Variants in MYT1L observed in about 807,000 individuals in gnomAD.
The protein encoded by MYT1L is myelin transcription factor 1-like protein.
In MYT1L, 12 loss-of-function variants were observed where a neutral mutation model predicts 126.7. That is an observed-to-expected ratio of 0.09 (90% CI 0.06 to 0.15). The LOEUF is 0.15. Ranked by LOEUF, MYT1L falls within the 10% of genes least tolerant of loss-of-function variation. The probability of loss-of-function intolerance (pLI) is 1.00; values close to 1 mark genes in which losing one functional copy is unlikely to be tolerated. For missense variants in MYT1L, 979 were observed against 1,585.2 expected (o/e 0.62, Z 6.49); for synonymous variants, 541 against 604.2 (o/e 0.90, Z 1.53).
chr2:1,969,511 C>T (rs934307388), intron 8 of MYT1L, among the ~76,000 whole-genome samples: 2 of 152,218 alleles, frequency 1.3e-5, no homozygotes, highest in African/African-American at 4.8e-5. Flanking sequence ...CTTAGCTTCT[C>T]ACTTAGCTGG....
At chr2:2,051,074 G>C (rs1183270029) in intron 4 of MYT1L, among the ~76,000 whole-genome samples, 1 of 152,134 alleles carries the variant, frequency 6.6e-6, no homozygotes, top group Non-Finnish European at 1.5e-5. Flanking sequence ...CCATCTGATA[G>C]GGTAAGAAAT....
chr2:2,172,725 A>T (rs1165744302), intron 3 of MYT1L, 147 bp downstream of exon 3: 1 of 150,186 alleles, frequency 6.7e-6, no homozygotes, highest in African/African-American at 2.5e-5. Context: ...CACTGTCACC[A>T]GGAGCCCCTT....
At chr2:2,142,711 G>A (rs533315943) in intron 3 of MYT1L, among the ~76,000 whole-genome samples, 68 of 152,062 alleles carry the variant, frequency 4.5e-4, no homozygotes, top group African/African-American at 1.4e-3. Flanking sequence ...TTTTGAGAAG[G>A]AGTCTTGCTC....
chr2:1,867,436 C>A (rs566871892), intron 18 of MYT1L, among the ~76,000 whole-genome samples: 10 of 152,296 alleles, frequency 6.6e-5, no homozygotes, highest in South Asian at 4.1e-4. Flanking sequence ...TGGGTTCAGA[C>A]GTCTGGCAGG....
rs532788105 is a variant in MYT1L, at chr2:1,934,235, A to C, written c.505+8747T>G. Among the ~76,000 whole-genome samples the C allele has an allele frequency of 5.0e-3, 745 of 149,712 alleles. 3 individuals carry two copies. Among genetic ancestry groups the C allele is most frequent in the Non-Finnish European group, 8.7e-3 (587 of 67,554 alleles). On this transcript the variant is annotated intron_variant, in intron 9 of 24. Coordinates refer to ENST00000647738, the MANE Select transcript of MYT1L (RefSeq NM_001303052.2). ...GTGATCCTCCCGCCTTGGCCTCCAA[A>C]GTGCTGGGATTACAGGCGTGGGCCA...
chr2:1,848,396 G>A lies in MYT1L; in HGVS notation c.2774+3245C>T, dbSNP rs1288482425. 2.6e-5 allele frequency among the ~76,000 whole-genome samples: 4 copies of A among 151,782 alleles called. No homozygotes were observed. Among genetic ancestry groups the A allele is most frequent in the Admixed American group, 1.3e-4 (2 of 15,254 alleles). ...GGAGAATTCCAGACACCACAGGTGC[G>A]CGAGGCGGATCTGTGCTCTGAACAG... is the stretch of plus-strand genomic sequence containing the variant. On this transcript the variant is annotated intron_variant, in intron 19 of 24. Transcript: ENST00000647738. This position sits in a 1 kb window ranked among gnomAD's most constrained non-coding sequence, Gnocchi z 4.8.
At chr2:2,329,380 C>T (rs769640435) in intron 1 of MYT1L, among the ~76,000 whole-genome samples, 46 of 151,802 alleles carry the variant, frequency 3.0e-4, no homozygotes, top group Admixed American at 2.2e-3. Context: ...TTTTGATTCA[C>T]GAATCTGAAG....
chr2:2,204,930 C>A (rs1360786622), intron 2 of MYT1L, among the ~76,000 whole-genome samples: 2 of 151,520 alleles, frequency 1.3e-5, no homozygotes, highest in East Asian at 3.9e-4. Context: ...TACTATGCAG[C>A]CATAAAAAAT....
At chr2:2,147,988 G>A (rs558367974) in intron 3 of MYT1L, among the ~76,000 whole-genome samples, 1 of 152,334 alleles carries the variant, frequency 6.6e-6, no homozygotes, top group South Asian at 2.1e-4. Context: ...TGTAGTTCTA[G>A]GAGCCAGATA....
rs1243291129 is a variant in MYT1L at position 1,851,717 on chromosome 2, T to C, written c.2712-14A>G. On this transcript the variant is annotated splice_polypyrimidine_tract_variant and intron_variant, in intron 18 of 24. Coordinates refer to ENST00000647738, the MANE Select transcript of MYT1L (RefSeq NM_001303052.2). The stretch of plus-strand genomic sequence containing the variant: ...GGCGTGGGGCACCTACAATAAAAAA[T>C]GCAAATTGTGTTAAAATGGAAAGAA... 3 of 1,612,024 alleles carry C rather than the reference T, an allele frequency of 1.9e-6. No individual in the cohort carries two copies. The highest frequency in any genetic ancestry group is 2.2e-5 in the East Asian group (1 of 44,872).
chr2:2,199,903 A>C (rs1446358587), intron 2 of MYT1L, among the ~76,000 whole-genome samples: 1 of 152,174 alleles, frequency 6.6e-6, no homozygotes, highest in African/African-American at 2.4e-5. Flanking sequence ...TTCTGAAAAT[A>C]AAATGCAGCT....
chr2:1,999,956 C>T (rs2062206328), intron 4 of MYT1L, among the ~76,000 whole-genome samples: 1 of 152,212 alleles, frequency 6.6e-6, no homozygotes, highest in Non-Finnish European at 1.5e-5. Flanking sequence ...AAAGCATGCT[C>T]ATTGGTGGGA....
intron 4 of MYT1L, among the ~76,000 whole-genome samples, chr2:2,001,955 G>A (rs1393152384): frequency 1.3e-5 from 2 of 152,136 alleles, no homozygotes; most frequent in South Asian, 4.2e-4. Context: ...TGGCTGTCAG[G>A]TTTTAACCCT....
At chr2:2,259,689 G>C (rs901454543) in intron 2 of MYT1L, among the ~76,000 whole-genome samples, 13 of 152,016 alleles carry the variant, frequency 8.6e-5, no homozygotes, top group Non-Finnish European at 1.8e-4. Context: ...GGCTAGTATC[G>C]ATCCATTCCA....
At chr2:2,299,182 T>C (rs1326952621) in intron 1 of MYT1L, among the ~76,000 whole-genome samples, 2 of 152,164 alleles carry the variant, frequency 1.3e-5, no homozygotes, top group Non-Finnish European at 2.9e-5. Flanking sequence ...GGGGCATGAC[T>C]TGTTCATGAA....
chr2:2,154,979 T>C lies in MYT1L; in HGVS notation c.-304+17893A>G, dbSNP rs577011700. ...TTATCTCTACTAAAAATACAAAAAT[T>C]AGCCAGGCATGGTGGTGCATGCCTG... On this transcript the variant is annotated intron_variant, in intron 3 of 24. Transcript: ENST00000647738. 2.8e-4 allele frequency among the ~76,000 whole-genome samples: 43 copies of C among 152,020 alleles called. No individual in the cohort carries two copies. In the South Asian group the frequency reaches 2.9e-3, roughly 10 times the overall value.
At chr2:2,181,314 GAAGT>G (rs1346915566) in intron 2 of MYT1L, among the ~76,000 whole-genome samples, 1 of 152,106 alleles carries the variant, frequency 6.6e-6, no homozygotes, top group Non-Finnish European at 1.5e-5. Context: ...ATGTGTCTGT[GAAGT>G]GAGACTGAAA....
At chr2:2,183,004 G>A (rs1472517621) in intron 2 of MYT1L, among the ~76,000 whole-genome samples, 2 of 152,298 alleles carry the variant, frequency 1.3e-5, no homozygotes, top group East Asian at 3.9e-4. Flanking sequence ...ACAGAGGTGG[G>A]GAGGTTTTCC....
intron 9 of MYT1L, among the ~76,000 whole-genome samples, chr2:1,937,495 C>A (rs912710399): frequency 5.3e-5 from 8 of 151,978 alleles, no homozygotes; most frequent in African/African-American, 1.9e-4. Flanking sequence ...GCCCTAACGT[C>A]CGCGGCCATC....
Sources: gnomAD v4.1 joint callset for allele counts (sites outside exome capture counted in the v4.1 genomes callset) on GRCh38, gnomAD v4.1.1 for gene constraint, Gnocchi (gnomAD v3.1) non-coding constraint, MANE v1.5 for transcripts, NCBI Gene and HGNC (gene_info 2026-07-23, HGNC 2026-07-21) for gene names.